Variants in ARHGEF7 observed in about 807,000 individuals in gnomAD.
ARHGEF7 encodes the protein Rho guanine nucleotide exchange factor 7, also known as PAK-interacting exchange factor beta.
Under a neutral mutation model 109.8 loss-of-function variants are expected in ARHGEF7, and 33 were observed. The ratio of observed to expected loss-of-function variants is 0.30; its 90% CI spans 0.23 to 0.40. ARHGEF7 has a LOEUF of 0.40. ARHGEF7 is among the 10% of genes least tolerant of loss of function. The pLI is 1.00. For synonymous variants in ARHGEF7, 458 were observed against 424.6 expected, an observed-to-expected ratio of 1.08 and a Z score of -0.97; for missense variants, 938 against 1,098.5, an observed-to-expected ratio of 0.85 and a Z score of 2.07.
intron 4 of ARHGEF7, among the ~76,000 whole-genome samples, chr13:111,215,972 G>A (rs915527966): frequency 3.3e-5 from 5 of 152,096 alleles, no homozygotes; most frequent in Non-Finnish European, 5.9e-5. Context: ...TGCGTGGGAG[G>A]TAAATTTTTG....
At chr13:111,241,323 G>A (rs1325099724) in intron 6 of ARHGEF7, 4 of 1,536,184 alleles carry the variant, frequency 2.6e-6, no homozygotes, top group Non-Finnish European at 3.5e-6. Context: ...AAGACGAGGA[G>A]GGGAAGAAAG....
At chr13:111,284,793 G>C (rs909945759) in intron 16 of ARHGEF7, among the ~76,000 whole-genome samples, 1 of 152,104 alleles carries the variant, frequency 6.6e-6, no homozygotes, top group Admixed American at 6.5e-5. Context: ...CGTGGAGGCC[G>C]CTCTGCAGCC....
intron 5 of ARHGEF7, among the ~76,000 whole-genome samples, chr13:111,222,059 G>A (rs552734153): frequency 6.6e-6 from 1 of 152,216 alleles, no homozygotes; most frequent in South Asian, 2.1e-4. Context: ...GTGGTGCCCA[G>A]CAGCTTAAGG....
At chr13:111,298,224 A>G (rs1178684678) in intron 19 of ARHGEF7, among the ~76,000 whole-genome samples, 1 of 152,178 alleles carries the variant, frequency 6.6e-6, no homozygotes, top group African/African-American at 2.4e-5. Flanking sequence ...TTTATTTTCT[A>G]TGAAATTTCT....
Position 111,154,004 on chromosome 13 carries a change from G to A in ARHGEF7, c.252+13G>A. The A allele has an allele frequency of 6.3e-7, 1 of 1,594,256 alleles. No homozygotes were observed. The highest frequency in any genetic ancestry group is 2.3e-5 in the East Asian group (1 of 42,888). On this transcript the variant is annotated intron_variant, in intron 2 of 21. Transcript: ENST00000646102. ...CCTGCGGCTGGAGGTGAGCGCGGGC[G>A]GCCACGGGCCGAGGGAGGGGCCGGG...
intron 13 of ARHGEF7, among the ~76,000 whole-genome samples, chr13:111,279,629 C>G (rs76383862): frequency 0.022 from 3,291 of 152,346 alleles, 58 homozygotes; most frequent in Middle Eastern, 0.041. Flanking sequence ...TTTGTGTTCA[C>G]TTCTGACTTG....
At chr13:111,250,924 A>G (rs552152642) in intron 8 of ARHGEF7, among the ~76,000 whole-genome samples, 1 of 152,214 alleles carries the variant, frequency 6.6e-6, no homozygotes, top group Non-Finnish European at 1.5e-5. Flanking sequence ...CCGTGCTTTC[A>G]GCAACCCAAA....
chr13:111,185,907 G>A (rs1031663169), intron 2 of ARHGEF7, among the ~76,000 whole-genome samples: 1 of 151,642 alleles, frequency 6.6e-6, no homozygotes, highest in African/African-American at 2.4e-5. Flanking sequence ...AGGCTGGTGG[G>A]CTCCGATCTT....
chr13:111,119,940 A>G (rs1172478577), intron 1 of ARHGEF7, among the ~76,000 whole-genome samples: 1 of 152,192 alleles, frequency 6.6e-6, no homozygotes, highest in Non-Finnish European at 1.5e-5. Context: ...TAGCCGTCAT[A>G]AAGACTTGTT....
At chr13:111,238,712 A>G (rs2087210275) in intron 6 of ARHGEF7, among the ~76,000 whole-genome samples, 2 of 151,806 alleles carry the variant, frequency 1.3e-5, no homozygotes, top group Admixed American at 1.3e-4. Flanking sequence ...GCTGGAGAGA[A>G]TGATGGTCTG....
intron 19 of ARHGEF7, among the ~76,000 whole-genome samples, chr13:111,296,156 G>A (rs189376910): frequency 6.6e-5 from 10 of 151,972 alleles, no homozygotes; most frequent in Non-Finnish European, 1.0e-4. Context: ...TGCTGCTGTA[G>A]CCAGTCATCT....
In ARHGEF7 at chr13:111,225,089, T is replaced by G. The variant is rs1195897752; in HGVS notation, c.670+7209T>G. Among the ~76,000 whole-genome samples, 5 of 152,236 alleles carry G rather than the reference T, an allele frequency of 3.3e-5. No homozygotes were observed. In the East Asian group the frequency reaches 9.7e-4, roughly 29 times the overall value. ...GTGTGAAAGTGAATATTTTCCTAGA[T>G]TGGTATACCGAGCATGTCCTCACTG... is the stretch of plus-strand genomic sequence containing the variant. On this transcript the variant is annotated intron_variant, in intron 5 of 21. Coordinates refer to ENST00000646102, the MANE Select transcript of ARHGEF7 (RefSeq NM_001354046.2).
Position 111,120,665 on chromosome 13 carries a change from TTAA to T in ARHGEF7, c.165+4977_165+4979del, listed in dbSNP as rs1675680836. On this transcript the variant is annotated intron_variant, in intron 1 of 21. Transcript: ENST00000646102. ...ATCTCAGGACCCGGCCCTCATTCTA[TTAA>T]TAGAAGTCACTCCAGAATCTGCCTG... 2.6e-5 allele frequency among the ~76,000 whole-genome samples: 4 copies of T among 152,338 alleles called. No individual in the cohort carries two copies. The South Asian group carries it at 8.3e-4, about 32-fold the overall frequency.
At chr13:111,128,503 A>G (rs761497642) in intron 1 of ARHGEF7, among the ~76,000 whole-genome samples, 15 of 147,628 alleles carry the variant, frequency 1.0e-4, no homozygotes, top group Non-Finnish European at 1.5e-4. Flanking sequence ...AAACAAGCAA[A>G]CAAACAAACA....
intron 1 of ARHGEF7, among the ~76,000 whole-genome samples, chr13:111,122,917 A>G (rs1047141268): frequency 6.6e-6 from 1 of 152,156 alleles, no homozygotes; most frequent in African/African-American, 2.4e-5. Context: ...ACTGTAGTCT[A>G]AGCAAATGGC....
chr13:111,293,252 C>G (rs1358085120), intron 19 of ARHGEF7: 1 of 985,236 alleles, frequency 1.0e-6, no homozygotes, highest in African/African-American at 1.7e-5. Flanking sequence ...TCCCCCGGCT[C>G]CCCACCCCTG....
intron 1 of ARHGEF7, among the ~76,000 whole-genome samples, chr13:111,121,206 G>A (rs2067176223): frequency 1.3e-5 from 2 of 152,188 alleles, no homozygotes; most frequent in Non-Finnish European, 2.9e-5. Flanking sequence ...GGCACCCAGG[G>A]TAGGGCCCCT....
intron 6 of ARHGEF7, among the ~76,000 whole-genome samples, chr13:111,242,334 G>C (rs186940690): frequency 4.3e-4 from 66 of 152,196 alleles, no homozygotes; most frequent in African/African-American, 1.4e-3. Context: ...GTAACGACCC[G>C]GGTTGTCTTT....
chr13:111,125,190 C>T (rs1421273616), intron 1 of ARHGEF7, among the ~76,000 whole-genome samples: 1 of 152,026 alleles, frequency 6.6e-6, no homozygotes, highest in African/African-American at 2.4e-5. Context: ...GGAATCTTTC[C>T]ATGATGAGAA....
Sources: allele counts gnomAD v4.1 joint callset (sites outside exome capture counted in the v4.1 genomes callset), GRCh38; gene constraint gnomAD v4.1.1; transcripts MANE v1.5; gene names NCBI Gene and HGNC (gene_info 2026-07-23, HGNC 2026-07-21).